Variants in IL1RAPL2 observed in about 807,000 individuals in gnomAD.
IL1RAPL2 encodes interleukin 1 receptor accessory protein like 2.
In IL1RAPL2, 3 loss-of-function variants were observed where a neutral mutation model predicts 44.1. That is an observed-to-expected ratio of 0.07 (90% CI 0.03 to 0.18). The LOEUF (loss-of-function observed/expected upper bound fraction) is 0.18. Ranked by LOEUF, IL1RAPL2 falls within the 10% of genes least tolerant of loss-of-function variation. IL1RAPL2 has a pLI of 1.00. For missense variants in IL1RAPL2, 391 were observed against 496.4 expected (o/e 0.79, Z 2.02); for synonymous variants, 181 against 178.8 (o/e 1.01, Z -0.10).
At chrX:104,995,537 G>A (rs748282657) in intron 2 of IL1RAPL2, among the ~76,000 whole-genome samples, 59 of 111,768 alleles carry the variant, frequency 5.3e-4, no homozygotes, top group Non-Finnish European at 8.9e-4. Flanking sequence ...ACTAAAAAAA[G>A]CAGGCAATGA....
At chrX:104,890,405 G>T (rs748498187) in intron 2 of IL1RAPL2, among the ~76,000 whole-genome samples, 1 of 111,744 alleles carries the variant, frequency 8.9e-6, no homozygotes, top group Non-Finnish European at 1.9e-5. Flanking sequence ...CTAGTTTACA[G>T]TCCCACCAAC....
intron 2 of IL1RAPL2, among the ~76,000 whole-genome samples, chrX:104,865,667 G>A (rs1922597357): frequency 8.9e-6 from 1 of 112,486 alleles, no homozygotes; most frequent in Non-Finnish European, 1.9e-5. Flanking sequence ...AATGGAATGA[G>A]AAGACTTGCT....
chrX:105,139,851 T>C (rs2033110690), intron 2 of IL1RAPL2, among the ~76,000 whole-genome samples: 1 of 112,282 alleles, frequency 8.9e-6, no homozygotes, highest in South Asian at 3.7e-4. Context: ...AGCCAAACCG[T>C]CATTGAATGC....
chrX:105,678,663 C>A (rs1176337438), intron 6 of IL1RAPL2, among the ~76,000 whole-genome samples: 1 of 110,529 alleles, frequency 9.0e-6, no homozygotes, highest in Non-Finnish European at 1.9e-5. Context: ...CTTTTCCTGA[C>A]TTCTGAATAG....
intron 5 of IL1RAPL2, among the ~76,000 whole-genome samples, chrX:105,431,184 G>A (rs1480332584): frequency 1.8e-5 from 2 of 112,305 alleles, no homozygotes; most frequent in East Asian, 5.6e-4. Context: ...GTGTTTTACT[G>A]TTGGCAGGAT....
At chrX:105,622,706 A>C (rs1209609657) in intron 6 of IL1RAPL2, among the ~76,000 whole-genome samples, 1 of 111,610 alleles carries the variant, frequency 9.0e-6, no homozygotes, top group Admixed American at 9.5e-5. Context: ...AAGGTGTTTG[A>C]CTTAAAGTAT....
intron 6 of IL1RAPL2, among the ~76,000 whole-genome samples, chrX:105,497,042 A>G (rs1357149182): frequency 8.9e-6 from 1 of 111,737 alleles, no homozygotes; most frequent in African/African-American, 3.2e-5. Context: ...TGTACAAAGA[A>G]TTCTTAAATA....
intron 2 of IL1RAPL2, among the ~76,000 whole-genome samples, chrX:104,943,824 T>C (rs1925267234): frequency 8.9e-6 from 1 of 112,212 alleles, no homozygotes; most frequent in Non-Finnish European, 1.9e-5. Context: ...ATAATGCAAG[T>C]TTCATGAGGG....
At chrX:104,947,861 G>T (rs1205028655) in intron 2 of IL1RAPL2, among the ~76,000 whole-genome samples, 4 of 111,906 alleles carry the variant, frequency 3.6e-5, no homozygotes, top group Non-Finnish European at 7.5e-5. Context: ...GATGCCTCCG[G>T]CTTTCTTCTT....
chrX:105,117,542 C>T (rs912375869), intron 2 of IL1RAPL2, among the ~76,000 whole-genome samples: 5 of 110,932 alleles, frequency 4.5e-5, no homozygotes, highest in African/African-American at 9.9e-5. Context: ...CCACATGTCC[C>T]GGGAAGGACC....
intron 6 of IL1RAPL2, among the ~76,000 whole-genome samples, chrX:105,560,344 C>T (rs1336106823): frequency 8.9e-6 from 1 of 112,119 alleles, no homozygotes; most frequent in Non-Finnish European, 1.9e-5. Flanking sequence ...TTGCACCCCT[C>T]TCTTTCTTTA....
chrX:104,702,674 T>C (rs958252665), intron 2 of IL1RAPL2, among the ~76,000 whole-genome samples: 9 of 111,809 alleles, frequency 8.0e-5, no homozygotes, highest in African/African-American at 2.9e-4. Context: ...GTGCACCATC[T>C]TGCTTCTGTG....
intron 2 of IL1RAPL2, among the ~76,000 whole-genome samples, chrX:105,032,838 C>T (rs1005502608): frequency 9.9e-5 from 11 of 110,742 alleles, no homozygotes; most frequent in African/African-American, 3.3e-4. Flanking sequence ...TTAAAGTCTC[C>T]CATTATTATT....
intron 2 of IL1RAPL2, among the ~76,000 whole-genome samples, chrX:105,026,464 C>A (rs764863246): frequency 1.2e-4 from 13 of 109,983 alleles, no homozygotes; most frequent in Admixed American, 1.9e-4. Flanking sequence ...AAAGACTCCA[C>A]CAAAAAACTA....
chrX:104,898,679 A>AT (rs962855671), intron 2 of IL1RAPL2, among the ~76,000 whole-genome samples: 2 of 111,710 alleles, frequency 1.8e-5, no homozygotes, highest in Non-Finnish European at 3.8e-5. Context: ...TAAAATAGCC[A>AT]TTTTTTCCCA....
At chrX:105,053,099 C>T (rs1381435593) in intron 2 of IL1RAPL2, among the ~76,000 whole-genome samples, 1 of 110,701 alleles carries the variant, frequency 9.0e-6, no homozygotes, top group Non-Finnish European at 1.9e-5. Context: ...TGTTTCTATT[C>T]GCCCATCTTG....
In IL1RAPL2 at chrX:105,098,673, C is replaced by T. The variant is rs770889341; in HGVS notation, c.83-96802C>T. 5.4e-5 allele frequency among the ~76,000 whole-genome samples: 6 copies of T among 111,850 alleles called. No homozygotes were observed. In the Admixed American group the frequency reaches 5.7e-4, roughly 11 times the overall value. The stretch of plus-strand genomic sequence containing the variant: ...CAGACTGAATACAAGAAAATCAATA[C>T]GCAATCTGTGTGATAATTAATTAAG... On this transcript the variant is annotated intron_variant, in intron 2 of 10. Transcript: ENST00000372582.
intron 2 of IL1RAPL2, among the ~76,000 whole-genome samples, chrX:104,909,979 A>C (rs981307674): frequency 6.2e-5 from 7 of 112,343 alleles, no homozygotes; most frequent in Non-Finnish European, 1.1e-4. Context: ...GTTTGATCTC[A>C]GACTGCTGTG....
chrX:105,242,434 TAC>T (rs1362409644), intron 4 of IL1RAPL2, among the ~76,000 whole-genome samples: 1 of 111,884 alleles, frequency 8.9e-6, no homozygotes, highest in Non-Finnish European at 1.9e-5. Context: ...ACACAACACA[TAC>T]AGACAGAAGA....
Sources: allele counts gnomAD v4.1 joint callset (sites outside exome capture counted in the v4.1 genomes callset), GRCh38; gene constraint gnomAD v4.1.1; transcripts MANE v1.5; gene names NCBI Gene and HGNC (gene_info 2026-07-23, HGNC 2026-07-21).